DELE1: variants seen among roughly 807,000 people sequenced by gnomAD.
The protein encoded by DELE1 is DAP3 binding cell death enhancer 1.
In DELE1, 54 loss-of-function variants were observed where a neutral mutation model predicts 59.3. That is an observed-to-expected ratio of 0.91 (90% CI 0.73 to 1.14). The LOEUF is 1.14. DELE1 is among the 50% of genes most tolerant of loss of function. DELE1 has a pLI of 0.00. For synonymous variants in DELE1, 264 were observed against 259.1 expected (o/e 1.02, Z -0.18); for missense variants, 636 against 643.9 (o/e 0.99, Z 0.13).
At chr5:141,936,982 T>C (rs916343478) in intron 10 of DELE1, 3 of 1,398,278 alleles carry the variant, frequency 2.1e-6, no homozygotes, top group African/African-American at 2.9e-5. Context: ...GGAATCTCCC[T>C]GGGTGGAGGG....
intron 10 of DELE1, among the ~76,000 whole-genome samples, chr5:141,935,625 C>T (rs1290560268): frequency 6.6e-6 from 1 of 152,200 alleles, no homozygotes; most frequent in African/African-American, 2.4e-5. Flanking sequence ...AAAAGGGGAC[C>T]AATGTCACCA....
chr5:141,924,762 T>TGTTG, intron 2 of DELE1, 67 bp downstream of exon 2: 2 of 1,052,734 alleles, frequency 1.9e-6, no homozygotes, highest in Non-Finnish European at 1.4e-6. Flanking sequence ...TTTTTTTTTT[T>TGTTG]TGTTGTTTTT....
rs771820349 is a variant in DELE1, at chr5:141,938,524, C to G, written c.1313C>G (p.Pro438Arg). The change falls in exon 12 of 12, where the codon CCG becomes CGG. Residue 438 changes from proline to arginine, a missense_variant. Transcript: ENST00000432126. ...TTGCTCTCACCTCTTCTTGTAGCCCCGGGGCCCAGCGACCTGACAGTTACA... is the reference window on the plus strand; with the variant it reads ...TTGCTCTCACCTCTTCTTGTAGCCCGGGGGCCCAGCGACCTGACAGTTACA... ...RALFSMGAAAPGPSDLTVTGL... is the reference protein window; with the variant it reads ...RALFSMGAAARGPSDLTVTGL... 6.2e-7 allele frequency: 1 copy of G among 1,613,704 alleles called. No homozygotes were observed. Among genetic ancestry groups the G allele is most frequent in the Non-Finnish European group, 8.5e-7 (1 of 1,179,756 alleles).
intron 2 of DELE1, among the ~76,000 whole-genome samples, chr5:141,925,051 C>T (rs1250499485): frequency 6.6e-6 from 1 of 152,160 alleles, no homozygotes; most frequent in Non-Finnish European, 1.5e-5. Flanking sequence ...CCTCAGCCTC[C>T]CAAGTAGCTG....
chr5:141,924,476 T>C (rs1429342417), intron 1 of DELE1, 105 bp from the exon 2 acceptor site: 2 of 730,140 alleles, frequency 2.7e-6, no homozygotes, highest in Non-Finnish European at 5.0e-6. Flanking sequence ...CTGTAGTAGA[T>C]AAAAGATTCC....
chr5:141,932,066 G>A (rs149005368), intron 7 of DELE1, among the ~76,000 whole-genome samples: 6 of 152,240 alleles, frequency 3.9e-5, no homozygotes, highest in South Asian at 2.1e-4. Context: ...CTTTTGAAAC[G>A]GTTTAGTTTG....
In DELE1 at chr5:141,934,285, G is replaced by T. The variant is rs1752180898; in HGVS notation, c.943G>T (p.Ala315Ser). The change falls in exon 9 of 12, where the codon GCT (alanine) becomes TCT (serine). Residue 315 changes from alanine (A) to serine (S), a missense_variant. By Grantham distance (99) the Ala-to-Ser change is moderately conservative. Transcript: ENST00000432126. The stretch of plus-strand genomic sequence containing the variant: ...GGCTGCCAGCCAGGGCCACAGCCTG[G>T]CTCAGTACCGCTATGCCAGGTGCCT... ...QLAASQGHSL[A>S]QYRYARCLLR... 1.2e-6 allele frequency: 2 copies of T among 1,613,948 alleles called. No homozygotes were observed. The highest frequency in any genetic ancestry group is 4.5e-5 in the East Asian group (2 of 44,890).
chr5:141,932,055 A>G lies in DELE1; in HGVS notation c.755-1204A>G, dbSNP rs113026704. Among the ~76,000 whole-genome samples the G allele has an allele frequency of 9.0e-3, 1,365 of 152,272 alleles. 25 individuals are homozygous for G. Among genetic ancestry groups the G allele is most frequent in the African/African-American group, 0.032 (1,310 of 41,536 alleles). ...GTCTAATTGAGGAGACAGGACTTGT[A>G]CTTTTGAAACGGTTTAGTTTGTAGA... On this transcript the variant is annotated intron_variant, in intron 7 of 11. Transcript: ENST00000432126.
At chr5:141,937,171 CTGTT>C in intron 10 of DELE1, 23 bp from the exon 11 acceptor site, 3 of 1,613,306 alleles carry the variant, frequency 1.9e-6, no homozygotes, top group Non-Finnish European at 2.5e-6. Flanking sequence ...ATGTGTGTAT[CTGTT>C]TGTCTGTCCA....
At chr5:141,938,349 A>G (rs1385062343) in intron 11 of DELE1, among the ~76,000 whole-genome samples, 172 bp from the exon 12 acceptor site, 1 of 152,212 alleles carries the variant, frequency 6.6e-6, no homozygotes, top group African/African-American at 2.4e-5. Context: ...CAATATCCCA[A>G]GGTTGCCTGA....
At chr5:141,927,458 G>C (rs1039950225) in intron 3 of DELE1, among the ~76,000 whole-genome samples, 1 of 152,226 alleles carries the variant, frequency 6.6e-6, no homozygotes, top group Non-Finnish European at 1.5e-5. Context: ...CCTCCCAAGT[G>C]CTGGGATTAC....
intron 11 of DELE1, among the ~76,000 whole-genome samples, chr5:141,937,939 C>T (rs1199936761): frequency 1.3e-5 from 2 of 151,462 alleles, no homozygotes; most frequent in African/African-American, 2.4e-5. Flanking sequence ...ATTCTCCTGC[C>T]TCAGCCTCTC....
intron 7 of DELE1, 146 bp from the exon 8 acceptor site, chr5:141,933,112 AT>A (rs755784092): frequency 0.012 from 1,339 of 112,012 alleles, 11 homozygotes; most frequent in South Asian, 0.059. Context: ...AAAAAAAAAA[AT>A]ATATATATAT....
Position 141,929,972 on chromosome 5 carries a change from C to T in DELE1, c.572-17C>T, listed in dbSNP as rs184514932. The T allele has an allele frequency of 4.8e-5, 78 of 1,612,072 alleles. 1 individual carries two copies. The East Asian group carries it at 7.6e-4, about 16-fold the overall frequency. The stretch of plus-strand genomic sequence containing the variant: ...TTTCTCCTTTGCCCTGGCCGGGTGT[C>T]GGCCTTTCCCTTGCAGGTCCCGGTG... On this transcript the variant is annotated splice_polypyrimidine_tract_variant and intron_variant, in intron 5 of 11. Transcript: ENST00000432126.
intron 7 of DELE1, among the ~76,000 whole-genome samples, chr5:141,930,999 T>C (rs1334178614): frequency 1.3e-5 from 2 of 152,202 alleles, no homozygotes; most frequent in Non-Finnish European, 2.9e-5. Flanking sequence ...ACAAAGTCCT[T>C]ATTCTCAGGG....
At chr5:141,933,094 C>CAA (rs56720043) in intron 7 of DELE1, among the ~76,000 whole-genome samples, 165 bp from the exon 8 acceptor site, 357 of 100,928 alleles carry the variant, frequency 3.5e-3, no homozygotes, top group Non-Finnish European at 5.1e-3. Flanking sequence ...GACTCCATCT[C>CAA]AAAAAAAAAA....
intron 4 of DELE1, among the ~76,000 whole-genome samples, chr5:141,929,131 A>G (rs1486585727): frequency 6.6e-6 from 1 of 152,136 alleles, no homozygotes; most frequent in Non-Finnish European, 1.5e-5. Flanking sequence ...GAAACAGAGG[A>G]GGAGGAGTGT....
At chr5:141,925,872 T>A (rs181677966) in intron 3 of DELE1, among the ~76,000 whole-genome samples, 3 of 152,298 alleles carry the variant, frequency 2.0e-5, no homozygotes, top group Admixed American at 6.5e-5. Context: ...TTCATTTTTT[T>A]TATTTTTAAA....
intron 3 of DELE1, among the ~76,000 whole-genome samples, chr5:141,927,014 C>T (rs868176891): frequency 6.6e-6 from 1 of 152,240 alleles, no homozygotes; most frequent in Non-Finnish European, 1.5e-5. Context: ...TTCCCTGACT[C>T]CTTGTCTTGT....
Sources: allele counts gnomAD v4.1 joint callset (sites outside exome capture counted in the v4.1 genomes callset), GRCh38; gene constraint gnomAD v4.1.1; transcripts MANE v1.5; gene names NCBI Gene and HGNC (gene_info 2026-07-23, HGNC 2026-07-21).